The following CBX7 variants were observed in gnomAD, a reference collection of about 807,000 sequenced individuals.
CBX7 encodes chromobox protein homolog 7.
In CBX7, 14 loss-of-function variants were observed where a neutral mutation model predicts 31.4. The ratio of observed to expected loss-of-function variants is 0.45; its 90% CI spans 0.29 to 0.70. The LOEUF is 0.70. CBX7 is among the 30% of genes least tolerant of loss of function. The pLI is 0.11. For missense variants in CBX7, 269 were observed against 351.9 expected (o/e 0.76, Z 1.89); for synonymous variants, 159 against 152.6 (o/e 1.04, Z -0.31).
At chr22:39,137,627 GCATGAGCCA>G (rs1930300328) in intron 4 of CBX7, among the ~76,000 whole-genome samples, 1 of 152,194 alleles carries the variant, frequency 6.6e-6, no homozygotes, top group East Asian at 1.9e-4. Context: ...GGGATTACAG[GCATGAGCCA>G]CCGCACATGG....
intron 2 of CBX7, chr22:39,148,970 T>A (rs1359676341): frequency 6.6e-6 from 1 of 152,302 alleles, no homozygotes; most frequent in East Asian, 1.9e-4. Context: ...CAGGACTCAG[T>A]CTCCGGGAGG....
chr22:39,148,289 G>C (rs2235686), intron 2 of CBX7: 1 of 152,310 alleles, frequency 6.6e-6, no homozygotes, highest in Admixed American at 6.5e-5. Context: ...GCAGTGGGCA[G>C]ATGGATTCAC....
At chr22:39,143,380 A>T (rs1396767974) in intron 2 of CBX7, among the ~76,000 whole-genome samples, 1 of 152,218 alleles carries the variant, frequency 6.6e-6, no homozygotes, top group Non-Finnish European at 1.5e-5. Context: ...TTGTACAGCC[A>T]TACATGTTTA....
intron 1 of CBX7, among the ~76,000 whole-genome samples, chr22:39,151,725 G>C (rs1183216672): frequency 1.3e-5 from 2 of 152,092 alleles, no homozygotes; most frequent in African/African-American, 4.8e-5. Flanking sequence ...GAAACCAGCA[G>C]AACAGACACC....
intron 2 of CBX7, among the ~76,000 whole-genome samples, chr22:39,146,035 C>T (rs1930650150): frequency 6.6e-6 from 1 of 152,154 alleles, no homozygotes; most frequent in East Asian, 1.9e-4. Context: ...AACCCCCAAG[C>T]CCCAGTCCCC....
At chr22:39,147,643 G>T (rs566997850) in intron 2 of CBX7, 3 of 152,136 alleles carry the variant, frequency 2.0e-5, no homozygotes, top group Non-Finnish European at 4.4e-5. Flanking sequence ...CCCAAGTGAG[G>T]TGGGGATGGT....
In CBX7 at chr22:39,134,529, G is replaced by A. The variant is rs553171693; in HGVS notation, c.470C>T (p.Pro157Leu). 1.4e-5 allele frequency: 23 copies of A among 1,611,808 alleles called. No homozygotes were observed. Among genetic ancestry groups the A allele is most frequent in the South Asian group, 2.2e-5 (2 of 90,844 alleles). The change falls in exon 5 of 6, where the codon CCG (proline) becomes CTG (leucine). Residue 157 changes from proline to leucine, a missense_variant. Physicochemically the swap from Pro to Leu is moderately conservative, Grantham distance 98. Coordinates refer to ENST00000216133, the MANE Select transcript of CBX7 (RefSeq NM_175709.5). ...KYLRLSRKKF[P>L]PRGPNLESHS... Reference sequence around the variant, plus strand: ...GCTCTCCAGGTTGGGCCCGCGGGGCGGGAACTTCTTGCGCGAGAGCCGCAG... The same window carrying A: ...GCTCTCCAGGTTGGGCCCGCGGGGCAGGAACTTCTTGCGCGAGAGCCGCAG...
chr22:39,145,816 C>T (rs1453355013), intron 2 of CBX7, among the ~76,000 whole-genome samples: 1 of 151,632 alleles, frequency 6.6e-6, no homozygotes, highest in Non-Finnish European at 1.5e-5. Context: ...GCCGGGTAAA[C>T]AAGCCCCGGC....
intron 2 of CBX7, among the ~76,000 whole-genome samples, chr22:39,144,094 T>G (rs1387261230): frequency 6.6e-6 from 1 of 151,982 alleles, no homozygotes; most frequent in Non-Finnish European, 1.5e-5. Flanking sequence ...TCCCTAGAGC[T>G]GAGGCCTCTA....
rs144642720 is a variant in CBX7, at chr22:39,146,417, T to G, written c.113+3372A>C. Among the ~76,000 whole-genome samples, 348 of 152,088 alleles carry G rather than the reference T, an allele frequency of 2.3e-3. 4 individuals carry two copies. The highest frequency in any genetic ancestry group is 7.9e-3 in the African/African-American group (328 of 41,464). Reference sequence around the variant, plus strand: ...CAATCTTCAGCAGGGCCCTGTGAGGTTAGGGCCTCATTTTTATAGGTGGGG... The same window carrying G: ...CAATCTTCAGCAGGGCCCTGTGAGGGTAGGGCCTCATTTTTATAGGTGGGG... On this transcript the variant is annotated intron_variant, in intron 2 of 5. Transcript: ENST00000216133.
intron 3 of CBX7, among the ~76,000 whole-genome samples, chr22:39,140,669 T>C (rs950755791): frequency 9.2e-5 from 14 of 152,164 alleles, no homozygotes; most frequent in African/African-American, 3.4e-4. Context: ...TTTTGTGAAA[T>C]GGTCCCAAGC....
intron 2 of CBX7, among the ~76,000 whole-genome samples, chr22:39,146,055 T>A (rs1405688179): frequency 2.0e-5 from 3 of 152,112 alleles, no homozygotes; most frequent in Non-Finnish European, 4.4e-5. Context: ...CACTCCGATT[T>A]AAAGCTGCTG....
intron 2 of CBX7, among the ~76,000 whole-genome samples, chr22:39,146,605 G>T (rs1930669686): frequency 6.6e-6 from 1 of 152,252 alleles, no homozygotes; most frequent in Admixed American, 6.5e-5. Context: ...GCAGCCCGTA[G>T]TTCACATCTG....
chr22:39,146,992 A>C (rs995718821), intron 2 of CBX7: 4 of 151,910 alleles, frequency 2.6e-5, no homozygotes, highest in Non-Finnish European at 4.4e-5. Flanking sequence ...TTTCCAGAAG[A>C]AGCAAGAGAG....
In CBX7 at chr22:39,152,522, T is replaced by A; in HGVS notation, c.-78A>T. The A allele has an allele frequency of 1.6e-6, 1 of 620,354 alleles. No individual in the cohort carries two copies. Among genetic ancestry groups the A allele is most frequent in the Non-Finnish European group, 2.0e-6 (1 of 497,636 alleles). 38.4% of individuals were successfully genotyped at this position (620,354 alleles called of 1,614,324 possible). On this transcript the variant is annotated 5_prime_UTR_variant, in exon 1 of 6. Transcript: ENST00000216133. This position sits in a 1 kb window ranked among gnomAD's most constrained non-coding sequence, Gnocchi z 4.9. The stretch of plus-strand genomic sequence containing the variant: ...GCGGGGCCGCGGCTGCGGCGCGCGA[T>A]GCTGGGGCTGGCGGGGTCCCCGTCA...
At chr22:39,134,828 C>T (rs1421388521) in intron 4 of CBX7, 76 bp from the exon 5 acceptor site, 18 of 948,456 alleles carry the variant, frequency 1.9e-5, no homozygotes, top group Non-Finnish European at 1.5e-6. Flanking sequence ...GCTGTTCCTC[C>T]CACCCGGAAT....
At chr22:39,139,642 G>A (rs1930380133) in intron 3 of CBX7, among the ~76,000 whole-genome samples, 1 of 146,066 alleles carries the variant, frequency 6.8e-6, no homozygotes, top group Non-Finnish European at 1.5e-5. Flanking sequence ...GGCGGAGCTT[G>A]CAGTGAGCCG....
chr22:39,137,471 CCT>C (rs1601557403), intron 4 of CBX7, among the ~76,000 whole-genome samples: 1 of 152,006 alleles, frequency 6.6e-6, no homozygotes, highest in East Asian at 1.9e-4. Flanking sequence ...GTCTCAGCCC[CCT>C]GAGTAGCTGG....
In CBX7 at chr22:39,130,896, C is replaced by T. The variant is rs1024529626; in HGVS notation, c.*2995G>A. 3 of 152,340 alleles carry T rather than the reference C, an allele frequency of 2.0e-5. No homozygotes were observed. Among genetic ancestry groups the T allele is most frequent in the South Asian group, 2.1e-4 (1 of 4,818 alleles). 9.4% of individuals were successfully genotyped at this position (152,340 alleles called of 1,614,324 possible). On this transcript the variant is annotated 3_prime_UTR_variant, in exon 6 of 6. Coordinates refer to ENST00000216133, the MANE Select transcript of CBX7 (RefSeq NM_175709.5). ...ACCAATGTCAGTACAAAAATAAAACCGCGCTCTACATCCACTCTGACTCTC... is the reference window on the plus strand; with the variant it reads ...ACCAATGTCAGTACAAAAATAAAACTGCGCTCTACATCCACTCTGACTCTC...
Sources: allele counts gnomAD v4.1 joint callset (sites outside exome capture counted in the v4.1 genomes callset), GRCh38; gene constraint gnomAD v4.1.1; non-coding constraint Gnocchi (gnomAD v3.1); transcripts MANE v1.5; gene names NCBI Gene and HGNC (gene_info 2026-07-23, HGNC 2026-07-21).